SIPA1L2: variants seen among roughly 807,000 people sequenced by gnomAD.
SIPA1L2 encodes signal induced proliferation associated 1 like 2, also known as signal-induced proliferation-associated 1-like protein 2.
In SIPA1L2, 56 loss-of-function variants were observed where a neutral mutation model predicts 163.9. The ratio of observed to expected loss-of-function variants is 0.34; its 90% CI spans 0.28 to 0.43. The LOEUF is 0.43. SIPA1L2 is among the 20% of genes least tolerant of loss of function. SIPA1L2 has a pLI of 1.00. For synonymous variants in SIPA1L2, 877 were observed against 865.7 expected (o/e 1.01, Z -0.23); for missense variants, 1,974 against 2,193.5 (o/e 0.90, Z 2.00).
chr1:232,514,976 T>A lies in SIPA1L2; in HGVS notation c.364A>T (p.Ser122Cys), dbSNP rs1667157478. Residue 122 changes from serine to cysteine, a missense_variant, in exon 3 of 23, where the codon AGT (serine) becomes TGT (cysteine). By Grantham distance (112) the Ser-to-Cys change is moderately radical. This residue lies in a region of SIPA1L2 where 607 missense variants were observed against 624.0 expected (regional missense o/e 0.97). Transcript: ENST00000674635. ...SVLQNGQSDQ[S>C]EGQQDEQLDL... ...AGCTGTTCATCTTGCTGACCTTCACTCTGGTCACTCTGCCCATTCTGCAGG... is the reference window on the plus strand; with the variant it reads ...AGCTGTTCATCTTGCTGACCTTCACACTGGTCACTCTGCCCATTCTGCAGG... 1 of 1,614,082 alleles carries A rather than the reference T, an allele frequency of 6.2e-7. No individual in the cohort carries two copies. Among genetic ancestry groups the A allele is most frequent in the Non-Finnish European group, 8.5e-7 (1 of 1,180,028 alleles).
chr1:232,573,214 G>C (rs1464644084), intron 2 of SIPA1L2, among the ~76,000 whole-genome samples: 1 of 152,160 alleles, frequency 6.6e-6, no homozygotes, highest in Non-Finnish European at 1.5e-5. Context: ...TGACCCTAGA[G>C]GGACCCTATA....
chr1:232,406,072 G>A (rs75084740), intron 19 of SIPA1L2, among the ~76,000 whole-genome samples: 6,799 of 152,278 alleles, frequency 0.045, 190 homozygotes, highest in Middle Eastern at 0.16. Flanking sequence ...ATGCAAAGAG[G>A]ATGCTATTTG....
intron 1 of SIPA1L2, among the ~76,000 whole-genome samples, chr1:232,620,547 A>C (rs1662747841): frequency 6.6e-6 from 1 of 152,216 alleles, no homozygotes; most frequent in Non-Finnish European, 1.5e-5. Context: ...TTATCTCAGA[A>C]AGAACTAAGT....
In SIPA1L2 at chr1:232,432,423, A is replaced by G. The variant is rs1662299063; in HGVS notation, c.4080T>C (p.Ser1360=). The G allele has an allele frequency of 1.2e-6, 2 of 1,614,266 alleles. No homozygotes were observed. The highest frequency in any genetic ancestry group is 2.2e-5 in the East Asian group (1 of 44,890). ...AGACTTTGGATGAATCCAGAGACCC[A>G]CTACTTTTTGAACAGTGAGCTGAAG... ...GSPSAHCSKS[S]GSLDSSKVYI... is the part of the protein sequence containing the mutation. The change falls in exon 16 of 23, where the codon AGT becomes AGC. Residue 1360 remains serine, a synonymous_variant. Coordinates refer to ENST00000674635, the MANE Select transcript of SIPA1L2 (RefSeq NM_020808.5).
chr1:232,493,371 T>A (rs1666027991), intron 4 of SIPA1L2, among the ~76,000 whole-genome samples, 156 bp downstream of exon 4: 1 of 152,180 alleles, frequency 6.6e-6, no homozygotes, highest in African/African-American at 2.4e-5. Context: ...TCATTTAGAA[T>A]AAAATACTGC....
chr1:232,400,164 T>C (rs1377319222), intron 22 of SIPA1L2, among the ~76,000 whole-genome samples: 1 of 152,108 alleles, frequency 6.6e-6, no homozygotes, highest in Non-Finnish European at 1.5e-5. Context: ...CACTTTGCTG[T>C]AAGGAGCAAC....
At chr1:232,462,027 G>C (rs2102921212) in intron 9 of SIPA1L2, among the ~76,000 whole-genome samples, 1 of 152,252 alleles carries the variant, frequency 6.6e-6, no homozygotes, top group South Asian at 2.1e-4. Context: ...GTCTCCTAGG[G>C]GCTGAGGGCA....
Position 232,479,670 on chromosome 1 carries a change from T to A in SIPA1L2, c.2042A>T (p.His681Leu). The change falls in exon 7 of 23, where the codon CAC (histidine) becomes CTC (leucine). Residue 681 changes from histidine to leucine, a missense_variant. Physicochemically the swap from His to Leu is moderately conservative, Grantham distance 99. Around this residue, in one of 3 missense-constraint regions of SIPA1L2, gnomAD observed 288 missense variants for 418.9 expected, o/e 0.69. Transcript: ENST00000674635. ...TTYKDYELMFHVSTLLPYMPN... is the reference protein window; with the variant it reads ...TTYKDYELMFLVSTLLPYMPN... ...CATGTAGGGAAGCAGGGTTGACACG[T>A]GGAACATGAGTTCGTAGTCTTTGTA... 6.2e-7 allele frequency: 1 copy of A among 1,613,840 alleles called. No individual in the cohort carries two copies. Among genetic ancestry groups the A allele is most frequent in the Non-Finnish European group, 8.5e-7 (1 of 1,179,794 alleles).
At position 232,445,027 on chromosome 1, in the gene SIPA1L2, G is replaced by A. The variant is rs143530114; in HGVS notation, c.3353+502C>T. ...GGTACTGGATTTAACTTTTAAACAA[G>A]TGTATGCATTCTTCTTTGAAAAAAT... is the stretch of plus-strand genomic sequence containing the variant. On this transcript the variant is annotated intron_variant, in intron 11 of 22. Transcript: ENST00000674635. Among the ~76,000 whole-genome samples the A allele has an allele frequency of 9.8e-5, 15 of 152,338 alleles. No homozygotes were observed. In the East Asian group the frequency reaches 2.7e-3, roughly 27 times the overall value.
At chr1:232,621,743 T>C (rs1662822088) in intron 1 of SIPA1L2, among the ~76,000 whole-genome samples, 1 of 152,138 alleles carries the variant, frequency 6.6e-6, no homozygotes, top group Admixed American at 6.5e-5. Flanking sequence ...AACATTTTTT[T>C]TTTTTTGTGA....
chr1:232,445,532 G>A lies in SIPA1L2; in HGVS notation c.3350C>T (p.Thr1117Met), dbSNP rs868478793. The A allele has an allele frequency of 1.9e-5, 31 of 1,613,682 alleles. 1 individual carries two copies. In the Middle Eastern group the frequency reaches 3.6e-3, roughly 185 times the overall value. ...GAGGAAACGGAACCAGCATTACCTCGTGCCATCGGGCAGCTTCCGGTCGAA... is the reference window on the plus strand; with the variant it reads ...GAGGAAACGGAACCAGCATTACCTCATGCCATCGGGCAGCTTCCGGTCGAA... ...TSFDRKLPDG[T>M]RSSPSNQSSS... The change falls in exon 11 of 23, where the codon ACG (threonine) becomes ATG (methionine). Residue 1117 changes from threonine (T) to methionine (M), a missense_variant. By Grantham distance (81) the Thr-to-Met change is moderately conservative (BLOSUM62 -1). This residue lies in a region of SIPA1L2 where 1,079 missense variants were observed against 1,150.7 expected (regional missense o/e 0.94). Coordinates refer to ENST00000674635, the MANE Select transcript of SIPA1L2 (RefSeq NM_020808.5).
intron 1 of SIPA1L2, among the ~76,000 whole-genome samples, chr1:232,618,648 C>G (rs1662632244): frequency 8.4e-6 from 1 of 119,348 alleles, no homozygotes; most frequent in Non-Finnish European, 1.7e-5. Context: ...AGTGAGACTC[C>G]ATCTCAAAAA....
Position 232,465,021 on chromosome 1 carries a change from A to T in SIPA1L2, c.2639T>A (p.Phe880Tyr). Residue 880 changes from phenylalanine (F) to tyrosine (Y), a missense_variant, in exon 9 of 23, where the codon TTC (phenylalanine) becomes TAC (tyrosine). By Grantham distance (22) the Phe-to-Tyr change is conservative (BLOSUM62 3). This residue lies in a region of SIPA1L2 where 1,079 missense variants were observed against 1,150.7 expected (regional missense o/e 0.94). Coordinates refer to ENST00000674635, the MANE Select transcript of SIPA1L2 (RefSeq NM_020808.5). The surrounding 1 kb of genome is among the most constrained non-coding windows in gnomAD (Gnocchi z 4.1). ...GGAATCCTTTTCAATCAACATGATG[A>T]ACTCATTGGAGATCCCGAGAAGACA... ...IECLLGISNE[F>Y]IMLIEKDSKN... 6.2e-7 allele frequency: 1 copy of T among 1,614,206 alleles called. No individual in the cohort carries two copies. Among genetic ancestry groups the T allele is most frequent in the Non-Finnish European group, 8.5e-7 (1 of 1,180,030 alleles).
intron 1 of SIPA1L2, among the ~76,000 whole-genome samples, chr1:232,591,240 A>G (rs900246662): frequency 6.6e-6 from 1 of 152,268 alleles, no homozygotes; most frequent in Non-Finnish European, 1.5e-5. Flanking sequence ...AATAGTTCAC[A>G]TGTGATTCCC....
intron 19 of SIPA1L2, among the ~76,000 whole-genome samples, chr1:232,406,314 C>T (rs1362022655): frequency 2.6e-5 from 4 of 152,242 alleles, no homozygotes; most frequent in South Asian, 4.1e-4. Flanking sequence ...ACACTCCACA[C>T]GTGGAGCCCC....
chr1:232,523,372 G>A (rs1336531035), intron 2 of SIPA1L2, among the ~76,000 whole-genome samples: 1 of 152,158 alleles, frequency 6.6e-6, no homozygotes, highest in African/African-American at 2.4e-5. Flanking sequence ...TCTCTCAGGA[G>A]GTTATTAGTT....
Position 232,571,757 on chromosome 1 carries a change from G to T in SIPA1L2, c.-270+2417C>A, listed in dbSNP as rs548497480. On this transcript the variant is annotated intron_variant, in intron 2 of 22. Transcript: ENST00000674635. Reference sequence around the variant, plus strand: ...AATATGGTTGTTTAAGAGAGTCTGGGACCTCCCCCTTCTGTCTGATTCTTC... The same window carrying T: ...AATATGGTTGTTTAAGAGAGTCTGGTACCTCCCCCTTCTGTCTGATTCTTC... Among the ~76,000 whole-genome samples the T allele has an allele frequency of 3.9e-5, 6 of 152,186 alleles. No individual in the cohort carries two copies. The East Asian group carries it at 1.2e-3, about 29-fold the overall frequency.
chr1:232,411,915 T>C (rs1660979161), intron 19 of SIPA1L2, among the ~76,000 whole-genome samples: 1 of 152,230 alleles, frequency 6.6e-6, no homozygotes, highest in Non-Finnish European at 1.5e-5. Context: ...TATTTAATTC[T>C]ATTATCACTG....
intron 2 of SIPA1L2, among the ~76,000 whole-genome samples, chr1:232,560,616 C>T (rs560398373): frequency 1.6e-4 from 24 of 152,352 alleles, no homozygotes; most frequent in African/African-American, 5.8e-4. Context: ...CACCTGCCTC[C>T]TCTGCATGTG....
Sources: allele counts gnomAD v4.1 joint callset (sites outside exome capture counted in the v4.1 genomes callset), GRCh38; gene constraint gnomAD v4.1.1; regional missense constraint gnomAD v4.1.1; non-coding constraint Gnocchi (gnomAD v3.1); transcripts MANE v1.5; gene names NCBI Gene and HGNC (gene_info 2026-07-23, HGNC 2026-07-21).